The following MAP3K15 variants were observed in gnomAD, a reference collection of about 807,000 sequenced individuals.
MAP3K15 encodes the protein mitogen-activated protein kinase kinase kinase 15, also known as MAPK/ERK kinase kinase 15.
In MAP3K15, 124 loss-of-function variants were observed where a neutral mutation model predicts 99.5. The observed-to-expected ratio is 1.25, with a 90% CI of 1.08 to 1.45. The LOEUF is 1.45. Ranked by LOEUF, MAP3K15 falls within the 40% of genes most tolerant of loss-of-function variation. The probability of loss-of-function intolerance (pLI) is 0.00; values close to 1 mark genes in which losing one functional copy is unlikely to be tolerated. For missense variants in MAP3K15, 1,242 were observed against 1,079.7 expected, an observed-to-expected ratio of 1.15 and a Z score of -2.11; for synonymous variants, 494 against 439.6, an observed-to-expected ratio of 1.12 and a Z score of -1.55.
intron 6 of MAP3K15, among the ~76,000 whole-genome samples, chrX:19,454,226 A>T (rs962287184): frequency 2.7e-5 from 3 of 111,922 alleles, no homozygotes; most frequent in Admixed American, 9.5e-5. Context: ...CTGGAAGTAG[A>T]ATATGAGCAC....
chrX:19,421,293 C>CA (rs1450305685), intron 9 of MAP3K15, among the ~76,000 whole-genome samples: 144 of 111,154 alleles, frequency 1.3e-3, no homozygotes, highest in African/African-American at 4.6e-3. Context: ...CCCATCGTCT[C>CA]GCCCAAAATC....
intron 9 of MAP3K15, among the ~76,000 whole-genome samples, chrX:19,422,290 T>G (rs1269622127): frequency 1.6e-4 from 18 of 111,130 alleles, no homozygotes; most frequent in South Asian, 7.5e-4. Context: ...ATCTGACAAA[T>G]GGCTAATATC....
At chrX:19,440,439 T>C (rs771797769) in intron 6 of MAP3K15, among the ~76,000 whole-genome samples, 1 of 112,702 alleles carries the variant, frequency 8.9e-6, no homozygotes, top group East Asian at 2.8e-4. Flanking sequence ...GCGACCTGTG[T>C]CTTAGTGTGA....
chrX:19,363,425 T>C (rs1373758859), intron 25 of MAP3K15, among the ~76,000 whole-genome samples: 2 of 112,078 alleles, frequency 1.8e-5, no homozygotes, highest in Non-Finnish European at 3.8e-5. Context: ...CTCTGGTTAT[T>C]TTGTTACAGT....
At chrX:19,508,021 C>T (rs938731946) in intron 1 of MAP3K15, among the ~76,000 whole-genome samples, 3 of 111,196 alleles carry the variant, frequency 2.7e-5, no homozygotes, top group African/African-American at 9.8e-5. Context: ...GTGCCCGCCA[C>T]CATGCCTGGC....
intron 15 of MAP3K15, among the ~76,000 whole-genome samples, chrX:19,396,482 C>T (rs1265120172): frequency 8.9e-6 from 1 of 112,171 alleles, no homozygotes; most frequent in African/African-American, 3.2e-5. Flanking sequence ...TCAAGAGACT[C>T]GGATCCTAGT....
chrX:19,382,807 C>G (rs1703332847), intron 18 of MAP3K15, among the ~76,000 whole-genome samples: 1 of 111,975 alleles, frequency 8.9e-6, no homozygotes, highest in South Asian at 3.7e-4. Flanking sequence ...AGGGAATGTG[C>G]CTTCTAACGA....
chrX:19,485,737 G>A (rs1201387232), intron 3 of MAP3K15, among the ~76,000 whole-genome samples: 3 of 110,618 alleles, frequency 2.7e-5, no homozygotes, highest in Non-Finnish European at 5.7e-5. Context: ...CTAGCAGGAA[G>A]GAGACTAAGG....
chrX:19,408,219 C>T (rs1422271196), intron 12 of MAP3K15, among the ~76,000 whole-genome samples: 1 of 111,682 alleles, frequency 9.0e-6, no homozygotes, highest in Non-Finnish European at 1.9e-5. Flanking sequence ...AGGGGTGGGG[C>T]GAGGATGATA....
intron 11 of MAP3K15, among the ~76,000 whole-genome samples, chrX:19,412,722 C>A (rs2063698630): frequency 9.0e-6 from 1 of 110,934 alleles, no homozygotes; most frequent in Admixed American, 9.7e-5. Context: ...AGTATAAGTG[C>A]TTCTAAAAAT....
intron 26 of MAP3K15, 140 bp downstream of exon 26, chrX:19,362,598 G>A: frequency 2.3e-6 from 1 of 442,907 alleles, no homozygotes; most frequent in East Asian, 3.7e-5. Flanking sequence ...GAATCTATCA[G>A]TAGTCCCTTT....
intron 19 of MAP3K15, among the ~76,000 whole-genome samples, chrX:19,377,812 A>G (rs892073887): frequency 1.2e-4 from 13 of 112,194 alleles, no homozygotes; most frequent in Non-Finnish European, 2.3e-4. Context: ...TCCACCGCAC[A>G]CGGTCAAAGT....
At chrX:19,449,239 AC>A (rs1179372928) in intron 6 of MAP3K15, among the ~76,000 whole-genome samples, 1 of 110,191 alleles carries the variant, frequency 9.1e-6, no homozygotes, top group Non-Finnish European at 1.9e-5. Flanking sequence ...GAGCTATCAA[AC>A]TTTTATGAAC....
chrX:19,378,188 C>T (rs780925416), intron 19 of MAP3K15, among the ~76,000 whole-genome samples: 4 of 112,524 alleles, frequency 3.6e-5, no homozygotes, highest in Non-Finnish European at 7.5e-5. Flanking sequence ...TCTGGAATCG[C>T]GTTCTATCAG....
chrX:19,410,783 G>C (rs1308640092), intron 11 of MAP3K15, among the ~76,000 whole-genome samples: 1 of 111,770 alleles, frequency 8.9e-6, no homozygotes, highest in Non-Finnish European at 1.9e-5. Flanking sequence ...ACTACACTTT[G>C]CACAAAGCTA....
At chrX:19,388,960 GAAC>G (rs1296803683) in intron 18 of MAP3K15, among the ~76,000 whole-genome samples, 1 of 111,986 alleles carries the variant, frequency 8.9e-6, no homozygotes, top group Non-Finnish European at 1.9e-5. Context: ...ATTCAGCCAT[GAAC>G]AACAACGAAG....
intron 9 of MAP3K15, among the ~76,000 whole-genome samples, chrX:19,416,304 C>T (rs1205515719): frequency 9.1e-6 from 1 of 110,021 alleles, no homozygotes; most frequent in Non-Finnish European, 1.9e-5. Context: ...GCACTCCAGC[C>T]TGGGCAACAG....
At chrX:19,452,905 C>A in intron 6 of MAP3K15, among the ~76,000 whole-genome samples, 1 of 110,040 alleles carries the variant, frequency 9.1e-6, no homozygotes, top group Non-Finnish European at 1.9e-5. Flanking sequence ...TGGTCCAAGA[C>A]AATTCTTCTT....
chrX:19,459,866 AAAG>A (rs1455016120), intron 5 of MAP3K15, 116 bp downstream of exon 5: 7 of 550,062 alleles, frequency 1.3e-5, no homozygotes, highest in African/African-American at 9.6e-5. Context: ...AGAAAACAAA[AAAG>A]AAGAACAAAA....
Sources: gnomAD v4.1 joint callset for allele counts (sites outside exome capture counted in the v4.1 genomes callset) on GRCh38, gnomAD v4.1.1 for gene constraint, MANE v1.5 for transcripts, NCBI Gene and HGNC (gene_info 2026-07-23, HGNC 2026-07-21) for gene names.